Variants in KIF13A observed in about 807,000 individuals in gnomAD.
KIF13A encodes kinesin-like protein KIF13A.
KIF13A carries 79 observed loss-of-function variants against 212.2 expected under a neutral mutation model. The ratio of observed to expected loss-of-function variants is 0.37; its 90% confidence interval spans 0.31 to 0.45. The LOEUF (loss-of-function observed/expected upper bound fraction) is 0.45. Ranked by LOEUF, KIF13A falls within the 20% of genes least tolerant of loss-of-function variation. KIF13A has a pLI of 1.00. For synonymous variants in KIF13A, 789 were observed against 808.6 expected (o/e 0.98, Z 0.41); for missense variants, 1,901 against 2,209.0 (o/e 0.86, Z 2.79).
Position 17,942,600 on chromosome 6 carries a change from T to C in KIF13A, c.147-44420A>G, listed in dbSNP as rs560118181. Among the ~76,000 whole-genome samples the C allele has an allele frequency of 4.6e-5, 7 of 152,310 alleles. No individual in the cohort carries two copies. The South Asian group carries it at 1.2e-3, about 27-fold the overall frequency. On this transcript the variant is annotated intron_variant, in intron 2 of 38. Coordinates refer to ENST00000259711, the MANE Select transcript of KIF13A (RefSeq NM_022113.6). ...CTCTTCCAGCATATCTGGGTGCCTA[T>C]CAGCCTTGGCTATTATATTTATCAA...
chr6:17,804,798 ACT>A lies in KIF13A; in HGVS notation c.2305-290_2305-289del, dbSNP rs201921820. 1.9e-3 allele frequency among the ~76,000 whole-genome samples: 208 copies of A among 110,752 alleles called. 4 individuals are homozygous for A. In the Admixed American group the frequency reaches 0.019, roughly 10 times the overall value. The allele number at this position is 110,752 out of a possible 152,430, so 72.7% of individuals were successfully genotyped here. A position where few individuals can be genotyped will look rare whatever the true frequency, so the allele number is the denominator to read the frequency against. On this transcript the variant is annotated intron_variant, in intron 19 of 38. Coordinates refer to ENST00000259711, the MANE Select transcript of KIF13A (RefSeq NM_022113.6). ...ACTCCAGCCTGAGTGACAGAGCGAG[ACT>A]CTGTCTCCATTAAAAAAAAAAAAAA... is the stretch of plus-strand genomic sequence containing the variant.
chr6:17,791,153 G>A (rs1183641455), intron 25 of KIF13A, among the ~76,000 whole-genome samples: 1 of 147,128 alleles, frequency 6.8e-6, no homozygotes, highest in African/African-American at 2.5e-5. Context: ...TCAGTTATAT[G>A]ACTAACTTAT....
intron 2 of KIF13A, among the ~76,000 whole-genome samples, chr6:17,921,719 T>A (rs779257766): frequency 6.6e-6 from 1 of 151,372 alleles, no homozygotes; most frequent in Non-Finnish European, 1.5e-5. Context: ...AAGCCAAGAG[T>A]GGGAAGAACA....
intron 26 of KIF13A, among the ~76,000 whole-genome samples, chr6:17,788,536 A>G (rs1447835122): frequency 6.6e-6 from 1 of 152,244 alleles, no homozygotes; most frequent in African/African-American, 2.4e-5. Context: ...AGTCAATGGC[A>G]TTGCTGAGAT....
At chr6:17,805,699 G>T in intron 18 of KIF13A, 84 bp from the exon 19 acceptor site, 3 of 1,264,084 alleles carry the variant, frequency 2.4e-6, no homozygotes, top group Non-Finnish European at 1.1e-6. Context: ...CAGTAACACA[G>T]TAAGTTTGCA....
chr6:17,965,351 AAGAAT>A (rs1779211352), intron 2 of KIF13A, among the ~76,000 whole-genome samples: 1 of 152,234 alleles, frequency 6.6e-6, no homozygotes, highest in Admixed American at 6.5e-5. Flanking sequence ...GAACTTTACT[AAGAAT>A]AGTATTCAAA....
In KIF13A at chr6:17,984,004, C is replaced by T. The variant is rs989147315; in HGVS notation, c.146+3050G>A. Among the ~76,000 whole-genome samples the T allele has an allele frequency of 6.6e-6, 1 of 152,178 alleles. No homozygotes were observed. Among genetic ancestry groups the T allele is most frequent in the Non-Finnish European group, 1.5e-5 (1 of 68,040 alleles). ...GGACCTTGGGTAGCATCCACAGCCC[C>T]TCCTCAATGCTCCCATCACATTTGC... On this transcript the variant is annotated intron_variant, in intron 2 of 38. Transcript: ENST00000259711. This position sits in a 1 kb window ranked among gnomAD's most constrained non-coding sequence, Gnocchi z 5.0.
chr6:17,932,198 G>T lies in KIF13A; in HGVS notation c.147-34018C>A, dbSNP rs1251929668. ...CACATAACTTTTCCCCTCCCAAATG[G>T]GGTTATGGTAGACATACTGTTTAAA... On this transcript the variant is annotated intron_variant, in intron 2 of 38. Coordinates refer to ENST00000259711, the MANE Select transcript of KIF13A (RefSeq NM_022113.6). Among the ~76,000 whole-genome samples, 7 of 151,926 alleles carry T rather than the reference G, an allele frequency of 4.6e-5. No homozygotes were observed. In the East Asian group the frequency reaches 1.4e-3, roughly 29 times the overall value.
In KIF13A at chr6:17,771,481, C is replaced by T; in HGVS notation, c.4477-263G>A. 2.3e-6 allele frequency: 1 copy of T among 438,924 alleles called. No individual in the cohort carries two copies. Among genetic ancestry groups the T allele is most frequent in the East Asian group, 4.0e-5 (1 of 25,162 alleles). 27.2% of individuals were successfully genotyped at this position (438,924 alleles called of 1,614,324 possible). A position where few individuals can be genotyped will look rare whatever the true frequency, so the allele number is the denominator to read the frequency against. On this transcript the variant is annotated intron_variant, in intron 37 of 38. Coordinates refer to ENST00000259711, the MANE Select transcript of KIF13A (RefSeq NM_022113.6). The surrounding 1 kb of genome is among the most constrained non-coding windows in gnomAD (Gnocchi z 5.4). ...ACGGCTCATGCCTGCAATCCCAGTG[C>T]CTTGGGAGGCTGGGGCAAAAGAATC...
At chr6:17,761,459 C>G (rs1023989723), downstream of KIF13A, among the ~76,000 whole-genome samples, 25 of 152,064 alleles carry the variant, frequency 1.6e-4, no homozygotes, top group Admixed American at 4.6e-4. Context: ...TCTCAGCTCA[C>G]TGCAACTTTC....
intron 2 of KIF13A, among the ~76,000 whole-genome samples, chr6:17,938,944 C>G (rs1776723091): frequency 6.6e-6 from 1 of 151,534 alleles, no homozygotes; most frequent in African/African-American, 2.4e-5. Flanking sequence ...ATGAAATTTT[C>G]TAGCCTTGCA....
intron 16 of KIF13A, among the ~76,000 whole-genome samples, chr6:17,818,685 A>T (rs116066266): frequency 0.019 from 2,875 of 152,250 alleles, 38 homozygotes; most frequent in Middle Eastern, 0.048. Flanking sequence ...TATCATCCCG[A>T]TTTTAAAAAT....
In KIF13A at chr6:17,764,235, G is replaced by A; in HGVS notation, c.5293C>T (p.Pro1765Ser). 1 of 1,613,984 alleles carries A rather than the reference G, an allele frequency of 6.2e-7. No individual in the cohort carries two copies. Among genetic ancestry groups the A allele is most frequent in the Non-Finnish European group, 8.5e-7 (1 of 1,179,890 alleles). The change falls in exon 39 of 39, where the codon CCA becomes TCA. Residue 1765 changes from proline to serine, a missense_variant. Physicochemically the swap from Pro to Ser is moderately conservative, Grantham distance 74. Coordinates refer to ENST00000259711, the MANE Select transcript of KIF13A (RefSeq NM_022113.6). This position sits in a 1 kb window ranked among gnomAD's most constrained non-coding sequence, Gnocchi z 5.1. Reference sequence around the variant, plus strand: ...ACAGTCTTGCCGCCTGTTTTATTTGGTAGACTCCTCCTACTGGAAAGCTCT... The same window carrying A: ...ACAGTCTTGCCGCCTGTTTTATTTGATAGACTCCTCCTACTGGAAAGCTCT... ...AGELSSRRSL[P>S]NKTGGKTVSD...
Position 17,771,266 on chromosome 6 carries a change from G to A in KIF13A, c.4477-48C>T, listed in dbSNP as rs187241375. ...ATGCATCACACACAAAGACGACAAC[G>A]GCCAAAATACATATTAAGTACATGC... On this transcript the variant is annotated intron_variant, in intron 37 of 38. Transcript: ENST00000259711. The surrounding 1 kb of genome is among the most constrained non-coding windows in gnomAD (Gnocchi z 5.4). 9 of 1,210,226 alleles carry A rather than the reference G, an allele frequency of 7.4e-6. No individual in the cohort carries two copies. The Admixed American group carries it at 7.6e-5, about 10-fold the overall frequency. The allele number at this position is 1,210,226 out of a possible 1,614,324, so 75.0% of individuals were successfully genotyped here.
rs75319772 is a variant in KIF13A, at chr6:17,920,274, A to T, written c.147-22094T>A. 1.2e-4 allele frequency among the ~76,000 whole-genome samples: 19 copies of T among 152,312 alleles called. No individual in the cohort carries two copies. In the East Asian group the frequency reaches 2.3e-3, roughly 19 times the overall value. On this transcript the variant is annotated intron_variant, in intron 2 of 38. Coordinates refer to ENST00000259711, the MANE Select transcript of KIF13A (RefSeq NM_022113.6). ...AAAAAAAAATACAAGGTAAATTAGC[A>T]TTCCTAGCATCTTCACCTTCACTTC...
chr6:17,958,776 G>A (rs571318025), intron 2 of KIF13A, among the ~76,000 whole-genome samples: 3 of 151,464 alleles, frequency 2.0e-5, no homozygotes, highest in Admixed American at 6.6e-5. Context: ...GTATTCATCC[G>A]AATGCAAAAC....
intron 3 of KIF13A, among the ~76,000 whole-genome samples, chr6:17,876,759 T>C (rs1203776928): frequency 6.6e-6 from 1 of 152,110 alleles, no homozygotes. Flanking sequence ...CTCAGCCTCC[T>C]GAGTAGCTGG....
Position 17,947,199 on chromosome 6 carries a change from T to C in KIF13A, c.146+39855A>G, listed in dbSNP as rs1164254876. ...TAGTCATTTCCTTTCACAGGTACAA[T>C]GGGAAGGAGTGGAAATGGGAATAAG... is the stretch of plus-strand genomic sequence containing the variant. On this transcript the variant is annotated intron_variant, in intron 2 of 38. Transcript: ENST00000259711. The surrounding 1 kb of genome is among the most constrained non-coding windows in gnomAD (Gnocchi z 4.6). 1.3e-5 allele frequency among the ~76,000 whole-genome samples: 2 copies of C among 152,004 alleles called. No homozygotes were observed. The highest frequency in any genetic ancestry group is 4.8e-5 in the African/African-American group (2 of 41,382).
intron 2 of KIF13A, among the ~76,000 whole-genome samples, chr6:17,954,293 G>A (rs560945205): frequency 2.5e-5 from 3 of 121,662 alleles, no homozygotes; most frequent in East Asian, 4.7e-4. Flanking sequence ...AACAGAGCGA[G>A]ACTCCATCTC....
Sources: gnomAD v4.1 joint callset for allele counts (sites outside exome capture counted in the v4.1 genomes callset) on GRCh38, gnomAD v4.1.1 for gene constraint, Gnocchi (gnomAD v3.1) non-coding constraint, MANE v1.5 for transcripts, NCBI Gene and HGNC (gene_info 2026-07-23, HGNC 2026-07-21) for gene names.